SCAPER: variants seen among roughly 807,000 people sequenced by gnomAD.
SCAPER encodes S phase cyclin A-associated protein in the endoplasmic reticulum.
Under a neutral mutation model 182.2 loss-of-function variants are expected in SCAPER, and 98 were observed. The ratio of observed to expected loss-of-function variants is 0.54; its 90% CI spans 0.46 to 0.64. The LOEUF (loss-of-function observed/expected upper bound fraction) is 0.64. SCAPER is among the 30% of genes least tolerant of loss of function. SCAPER has a pLI of 0.00. For missense variants in SCAPER, 1,432 were observed against 1,690.0 expected, an observed-to-expected ratio of 0.85 and a Z score of 2.68; for synonymous variants, 605 against 564.6, an observed-to-expected ratio of 1.07 and a Z score of -1.01.
chr15:76,613,564 A>G (rs1212684252), intron 22 of SCAPER, among the ~76,000 whole-genome samples: 2 of 152,222 alleles, frequency 1.3e-5, no homozygotes, highest in Admixed American at 6.5e-5. Context: ...TTAAATTTAC[A>G]AGAAAAAACA....
At chr15:76,524,990 T>C (rs374778657) in intron 23 of SCAPER, among the ~76,000 whole-genome samples, 27 of 152,284 alleles carry the variant, frequency 1.8e-4, no homozygotes, top group African/African-American at 6.5e-4. Flanking sequence ...TTTCTGTATG[T>C]ATACCTAAAA....
chr15:76,672,130 A>G (rs561379754), intron 20 of SCAPER, among the ~76,000 whole-genome samples: 1 of 152,202 alleles, frequency 6.6e-6, no homozygotes, highest in Non-Finnish European at 1.5e-5. Flanking sequence ...TAATAGAGAC[A>G]AAGGGGAAAA....
At chr15:76,679,585 A>C (rs553651441) in intron 20 of SCAPER, among the ~76,000 whole-genome samples, 1 of 152,350 alleles carries the variant, frequency 6.6e-6, no homozygotes, top group East Asian at 1.9e-4. Flanking sequence ...TATTTTTATC[A>C]GTTACAATTT....
chr15:76,830,358 A>G (rs1161940165), intron 5 of SCAPER, among the ~76,000 whole-genome samples: 2 of 152,170 alleles, frequency 1.3e-5, no homozygotes, highest in Non-Finnish European at 2.9e-5. Context: ...TGAGAGAGAC[A>G]TATTTGTCAT....
intron 21 of SCAPER, among the ~76,000 whole-genome samples, chr15:76,625,290 A>G (rs574914983): frequency 6.6e-6 from 1 of 152,260 alleles, no homozygotes; most frequent in African/African-American, 2.4e-5. Flanking sequence ...CCCCACTACT[A>G]GGGAGAATGA....
At chr15:76,755,830 TACTTG>T (rs2062389311) in intron 14 of SCAPER, among the ~76,000 whole-genome samples, 1 of 152,198 alleles carries the variant, frequency 6.6e-6, no homozygotes, top group African/African-American at 2.4e-5. Flanking sequence ...TAGAAAGGTA[TACTTG>T]GCAAGAAAGT....
At chr15:76,892,227 GA>G (rs1200485937) in intron 1 of SCAPER, among the ~76,000 whole-genome samples, 7 of 152,126 alleles carry the variant, frequency 4.6e-5, no homozygotes, top group African/African-American at 1.7e-4. Flanking sequence ...AACTCTAGAA[GA>G]AAACCTAGGC....
At chr15:76,506,773 T>G (rs2041619152) in intron 23 of SCAPER, among the ~76,000 whole-genome samples, 1 of 152,216 alleles carries the variant, frequency 6.6e-6, no homozygotes, top group Non-Finnish European at 1.5e-5. Flanking sequence ...CAATAAAAGA[T>G]AATCTAATAT....
At chr15:76,531,101 G>A (rs1463680790) in intron 23 of SCAPER, among the ~76,000 whole-genome samples, 1 of 151,868 alleles carries the variant, frequency 6.6e-6, no homozygotes, top group Admixed American at 6.6e-5. Context: ...CAAAAATTTA[G>A]GGCAGAAGCC....
At chr15:76,726,139 A>ATATATATATATATATG (rs2060577947) in intron 17 of SCAPER, among the ~76,000 whole-genome samples, 1 of 124,346 alleles carries the variant, frequency 8.0e-6, no homozygotes, top group Non-Finnish European at 1.7e-5. Flanking sequence ...ATATATATAT[A>ATATATATATATATATG]TATATATATA....
chr15:76,421,791 G>T (rs1337416381), intron 26 of SCAPER, among the ~76,000 whole-genome samples: 5 of 152,094 alleles, frequency 3.3e-5, no homozygotes, highest in East Asian at 1.9e-4. Flanking sequence ...CTTGAATTAA[G>T]TTTTGTATAA....
intron 24 of SCAPER, among the ~76,000 whole-genome samples, chr15:76,489,893 G>A (rs1451964450): frequency 6.6e-6 from 1 of 152,144 alleles, no homozygotes; most frequent in Non-Finnish European, 1.5e-5. Flanking sequence ...AAATCATGGA[G>A]TATTTGTCCT....
intron 22 of SCAPER, among the ~76,000 whole-genome samples, chr15:76,614,127 T>G (rs1285854300): frequency 2.0e-5 from 3 of 152,168 alleles, no homozygotes; most frequent in Non-Finnish European, 2.9e-5. Context: ...GCCATTACCC[T>G]TAGCAAACTA....
At chr15:76,742,587 A>ATC (rs371468906) in intron 15 of SCAPER, among the ~76,000 whole-genome samples, 1 of 151,932 alleles carries the variant, frequency 6.6e-6, no homozygotes, top group African/African-American at 2.4e-5. Flanking sequence ...AGTCAATATT[A>ATC]GACTATTAAA....
At chr15:76,495,326 C>T (rs1421006885) in intron 24 of SCAPER, among the ~76,000 whole-genome samples, 1 of 152,062 alleles carries the variant, frequency 6.6e-6, no homozygotes, top group East Asian at 1.9e-4. Context: ...GCCTGTAATC[C>T]CAGCACTTTG....
intron 3 of SCAPER, among the ~76,000 whole-genome samples, chr15:76,861,288 T>C (rs999674367): frequency 6.6e-6 from 1 of 152,182 alleles, no homozygotes; most frequent in Non-Finnish European, 1.5e-5. Context: ...AGGAAAAAAT[T>C]AGTTACTTTA....
chr15:76,631,798 G>A (rs2053137890), intron 21 of SCAPER, among the ~76,000 whole-genome samples: 1 of 152,072 alleles, frequency 6.6e-6, no homozygotes, highest in Admixed American at 6.6e-5. Context: ...TCTTACTGGG[G>A]TTCTTTGGTT....
chr15:76,729,389 A>G (rs2060787837), intron 16 of SCAPER, among the ~76,000 whole-genome samples: 1 of 152,060 alleles, frequency 6.6e-6, no homozygotes, highest in East Asian at 1.9e-4. Flanking sequence ...AGAACTTAAT[A>G]TATGTTTTCT....
At chr15:76,712,337 A>G (rs1479398004) in intron 17 of SCAPER, among the ~76,000 whole-genome samples, 10 of 152,184 alleles carry the variant, frequency 6.6e-5, no homozygotes, top group East Asian at 3.9e-4. Context: ...TTTGGTTATC[A>G]TAGCCTTGTA....
Sources: gnomAD v4.1 joint callset for allele counts (sites outside exome capture counted in the v4.1 genomes callset) on GRCh38, gnomAD v4.1.1 for gene constraint, MANE v1.5 for transcripts, NCBI Gene and HGNC (gene_info 2026-07-23, HGNC 2026-07-21) for gene names.